The following NELL1 variants were observed in gnomAD, a reference collection of about 807,000 sequenced individuals.
NELL1 encodes neural EGFL like 1, also known as protein kinase C-binding protein NELL1.
In NELL1, 76 loss-of-function variants were observed where a neutral mutation model predicts 107.4. The ratio of observed to expected loss-of-function variants is 0.71; its 90% CI spans 0.59 to 0.86. NELL1 has a LOEUF of 0.86. Ranked by LOEUF, NELL1 falls within the 40% of genes least tolerant of loss-of-function variation. The probability of loss-of-function intolerance (pLI) is 0.00; values close to 1 mark genes in which losing one functional copy is unlikely to be tolerated. For missense variants in NELL1, 1,024 were observed against 1,005.5 expected, an observed-to-expected ratio of 1.02 and a Z score of -0.25; for synonymous variants, 353 against 341.2, an observed-to-expected ratio of 1.03 and a Z score of -0.38.
At chr11:21,304,929 A>G (rs1194273163) in intron 14 of NELL1, among the ~76,000 whole-genome samples, 1 of 152,012 alleles carries the variant, frequency 6.6e-6, no homozygotes, top group Admixed American at 6.6e-5. Flanking sequence ...GTAACAAGAA[A>G]CAAGAAGACA....
intron 2 of NELL1, among the ~76,000 whole-genome samples, chr11:20,776,151 C>A (rs1856745669): frequency 6.6e-6 from 1 of 152,102 alleles, no homozygotes; most frequent in South Asian, 2.1e-4. Flanking sequence ...ATAAATATAG[C>A]ACTTGGCTGG....
chr11:20,962,529 G>C (rs2134217385), intron 12 of NELL1, among the ~76,000 whole-genome samples: 1 of 152,248 alleles, frequency 6.6e-6, no homozygotes, highest in African/African-American at 2.4e-5. Flanking sequence ...TCTCTATTGA[G>C]ACCCAGCAGA....
chr11:21,328,748 A>G (rs1372118316), intron 14 of NELL1, among the ~76,000 whole-genome samples: 1 of 152,216 alleles, frequency 6.6e-6, no homozygotes, highest in African/African-American at 2.4e-5. Context: ...CTCTTGCATC[A>G]GCATGACCTG....
At chr11:21,101,449 C>T (rs1854810206) in intron 12 of NELL1, among the ~76,000 whole-genome samples, 1 of 152,270 alleles carries the variant, frequency 6.6e-6, no homozygotes, top group South Asian at 2.1e-4. Context: ...GTTTACAGTC[C>T]CAACAACAGT....
chr11:21,506,040 A>T (rs1258642581), intron 15 of NELL1, among the ~76,000 whole-genome samples: 1 of 152,202 alleles, frequency 6.6e-6, no homozygotes, highest in African/African-American at 2.4e-5. Context: ...AATGTGGTAA[A>T]ACAGGCTGAA....
intron 14 of NELL1, among the ~76,000 whole-genome samples, chr11:21,280,732 G>T (rs1260450821): frequency 6.6e-6 from 1 of 151,988 alleles, no homozygotes; most frequent in African/African-American, 2.4e-5. Flanking sequence ...ATGCTATGGG[G>T]CGTTAAATAA....
chr11:21,565,783 T>C (rs1391759573), intron 17 of NELL1, among the ~76,000 whole-genome samples: 1 of 151,936 alleles, frequency 6.6e-6, no homozygotes, highest in African/African-American at 2.4e-5. Flanking sequence ...TGGTTTCCTC[T>C]TCATTAAAAT....
chr11:21,015,046 C>T (rs1852533694), intron 12 of NELL1, among the ~76,000 whole-genome samples: 1 of 152,076 alleles, frequency 6.6e-6, no homozygotes, highest in Non-Finnish European at 1.5e-5. Context: ...TTTTAGATCT[C>T]TGGATCTTTT....
At chr11:21,453,545 T>C (rs1018065164) in intron 15 of NELL1, among the ~76,000 whole-genome samples, 6 of 152,062 alleles carry the variant, frequency 3.9e-5, no homozygotes, top group African/African-American at 1.4e-4. Flanking sequence ...TTAAATGGCA[T>C]GTAATTAGGT....
intron 1 of NELL1, among the ~76,000 whole-genome samples, chr11:20,673,407 T>TCTAGCATTA (rs1555050647): frequency 0.14 from 21,787 of 152,108 alleles, 1,904 homozygotes; most frequent in East Asian, 0.31. Context: ...TTGGAGCATT[T>TCTAGCATTA]TTTTAGTCTG....
chr11:21,484,510 A>G (rs1016193136), intron 15 of NELL1, among the ~76,000 whole-genome samples: 4 of 152,056 alleles, frequency 2.6e-5, no homozygotes, highest in African/African-American at 9.7e-5. Flanking sequence ...CACCTAATAT[A>G]TAAATTTACA....
At chr11:20,676,062 A>G (rs905334993) in intron 1 of NELL1, among the ~76,000 whole-genome samples, 4 of 151,766 alleles carry the variant, frequency 2.6e-5, no homozygotes, top group Middle Eastern at 3.4e-3. Context: ...CTCATTTTCT[A>G]CTTCTCTACC....
chr11:21,175,139 T>C (rs1260467307), intron 13 of NELL1, among the ~76,000 whole-genome samples: 4 of 151,784 alleles, frequency 2.6e-5, no homozygotes, highest in Non-Finnish European at 5.9e-5. Context: ...AATTCTGACC[T>C]TCTTTCATTT....
At chr11:21,344,967 A>G (rs947242258) in intron 14 of NELL1, among the ~76,000 whole-genome samples, 1 of 152,224 alleles carries the variant, frequency 6.6e-6, no homozygotes, top group African/African-American at 2.4e-5. Flanking sequence ...TTTCCCAAAG[A>G]ATGCACAATA....
intron 4 of NELL1, among the ~76,000 whole-genome samples, chr11:20,854,804 A>G (rs72935270): frequency 0.072 from 11,015 of 152,212 alleles, 409 homozygotes; most frequent in Non-Finnish European, 0.08. Flanking sequence ...CAAGCAGATG[A>G]TGGATAGTTG....
chr11:21,040,947 T>C (rs1853214217), intron 12 of NELL1, among the ~76,000 whole-genome samples: 2 of 152,206 alleles, frequency 1.3e-5, no homozygotes, highest in African/African-American at 4.8e-5. Context: ...TCAGTGTCCT[T>C]GCTTTAAAAG....
chr11:20,854,450 A>G (rs1316703497), intron 4 of NELL1, among the ~76,000 whole-genome samples: 1 of 152,116 alleles, frequency 6.6e-6, no homozygotes, highest in Admixed American at 6.5e-5. Flanking sequence ...TCCTTTTCAA[A>G]GTGCCACTTC....
At chr11:20,916,530 T>C (rs1273348612) in intron 5 of NELL1, among the ~76,000 whole-genome samples, 2 of 151,852 alleles carry the variant, frequency 1.3e-5, no homozygotes, top group African/African-American at 2.4e-5. Flanking sequence ...CCCTTTTCCA[T>C]GGATGATAAA....
intron 2 of NELL1, among the ~76,000 whole-genome samples, chr11:20,708,671 G>T (rs933876344): frequency 1.3e-5 from 2 of 151,962 alleles, no homozygotes; most frequent in Admixed American, 1.3e-4. Flanking sequence ...CCACTCTTTT[G>T]GTTGTCTGTT....
Sources: allele counts gnomAD v4.1 joint callset (sites outside exome capture counted in the v4.1 genomes callset), GRCh38; gene constraint gnomAD v4.1.1; transcripts MANE v1.5; gene names NCBI Gene and HGNC (gene_info 2026-07-23, HGNC 2026-07-21).